Variants in PPHLN1 observed in about 807,000 individuals in gnomAD.
PPHLN1 encodes periphilin-1.
PPHLN1 carries 29 observed loss-of-function variants against 51.3 expected under a neutral mutation model. The observed-to-expected ratio is 0.57, with a 90% confidence interval of 0.42 to 0.77. PPHLN1 has a LOEUF of 0.77. Ranked by LOEUF, PPHLN1 falls within the 30% of genes least tolerant of loss-of-function variation. PPHLN1 has a pLI of 0.00. For missense variants in PPHLN1, 436 were observed against 438.4 expected (o/e 0.99, Z 0.05); for synonymous variants, 147 against 147.8 (o/e 0.99, Z 0.04).
intron 2 of PPHLN1, among the ~76,000 whole-genome samples, chr12:42,337,777 T>TTTTATTTTATTTTATTTTATTTTA (rs759818493): frequency 0.023 from 3,222 of 140,186 alleles, 79 homozygotes; most frequent in Admixed American, 0.076. Flanking sequence ...TTTTATTTTA[T>TTTTATTTTATTTTATTTTATTTTA]TTTATTTATT....
At chr12:42,410,736 A>G (rs765180171) in intron 9 of PPHLN1, among the ~76,000 whole-genome samples, 2 of 152,224 alleles carry the variant, frequency 1.3e-5, no homozygotes, top group African/African-American at 4.8e-5. Context: ...GGATGCAAAA[A>G]CACAGCCAGC....
chr12:42,369,693 T>C (rs1338463099), intron 4 of PPHLN1, among the ~76,000 whole-genome samples: 1 of 152,218 alleles, frequency 6.6e-6, no homozygotes, highest in East Asian at 1.9e-4. Context: ...TGTTAAGGAA[T>C]GCAATGAGAT....
At chr12:42,429,413 A>G (rs1475782163) in intron 9 of PPHLN1, among the ~76,000 whole-genome samples, 2 of 152,178 alleles carry the variant, frequency 1.3e-5, no homozygotes, top group Admixed American at 1.3e-4. Flanking sequence ...ATTGCAGTCT[A>G]CTATCTTTCC....
intron 4 of PPHLN1, among the ~76,000 whole-genome samples, chr12:42,368,073 C>T (rs573483193): frequency 6.6e-6 from 1 of 152,176 alleles, no homozygotes; most frequent in Non-Finnish European, 1.5e-5. Flanking sequence ...TTAAGACTGG[C>T]ATTGATGTTG....
intron 9 of PPHLN1, chr12:42,432,397 A>G: frequency 1.3e-6 from 1 of 753,920 alleles, no homozygotes; most frequent in East Asian, 2.5e-5. Context: ...GAACTTGCAC[A>G]TTTCCAATGG....
At chr12:42,330,952 G>A (rs372786765) in intron 1 of PPHLN1, among the ~76,000 whole-genome samples, 1 of 152,104 alleles carries the variant, frequency 6.6e-6, no homozygotes, top group Non-Finnish European at 1.5e-5. Context: ...CTTGTGATCC[G>A]CGCGCCTCGG....
In PPHLN1 at chr12:42,419,422, C is replaced by T. The variant is rs139553345; in HGVS notation, c.909+20428C>T. 3.2e-3 allele frequency among the ~76,000 whole-genome samples: 488 copies of T among 151,488 alleles called. 1 individual carries two copies. Among genetic ancestry groups the T allele is most frequent in the African/African-American group, 0.011 (454 of 41,276 alleles). ...ACACCTTTTATATTTTTAATAGAGA[C>T]GGGGTTTCACCATGTTGGCTAAGCT... On this transcript the variant is annotated intron_variant, in intron 9 of 9. Coordinates refer to ENST00000358314, the MANE Select transcript of PPHLN1 (RefSeq NM_201439.2).
At chr12:42,433,391 C>A in intron 9 of PPHLN1, 1 of 380,592 alleles carries the variant, frequency 2.6e-6, no homozygotes. Flanking sequence ...GGTGCGTTCT[C>A]TGCTCACTGC....
intron 1 of PPHLN1, chr12:42,332,812 T>C (rs962618959): frequency 1.8e-6 from 1 of 562,554 alleles, no homozygotes; most frequent in Non-Finnish European, 2.9e-6. Context: ...TCTTTAGAAC[T>C]CTTATTGTTT....
At chr12:42,424,468 T>G (rs1295285821) in intron 9 of PPHLN1, among the ~76,000 whole-genome samples, 4 of 152,188 alleles carry the variant, frequency 2.6e-5, no homozygotes. Context: ...ATCAAACCAG[T>G]TTTTTATAAG....
downstream of PPHLN1, chr12:42,445,851 C>T: frequency 1.6e-6 from 2 of 1,272,484 alleles, no homozygotes; most frequent in Non-Finnish European, 2.1e-6. Flanking sequence ...AAGCACTTTG[C>T]TAAAACCTCT....
At chr12:42,432,126 C>A in intron 9 of PPHLN1, 1 of 1,287,034 alleles carries the variant, frequency 7.8e-7, no homozygotes, top group Admixed American at 1.7e-5. Context: ...GCATCTCCTG[C>A]TGTCACGCTG....
At chr12:42,410,056 G>A (rs1159577382) in intron 9 of PPHLN1, among the ~76,000 whole-genome samples, 1 of 152,004 alleles carries the variant, frequency 6.6e-6, no homozygotes, top group Non-Finnish European at 1.5e-5. Flanking sequence ...GGTTTAAATA[G>A]TACTCATTGT....
At chr12:42,441,117 G>C (rs1682433915) in intron 9 of PPHLN1, among the ~76,000 whole-genome samples, 198 bp from the exon 10 acceptor site, 1 of 152,114 alleles carries the variant, frequency 6.6e-6, no homozygotes, top group African/African-American at 2.4e-5. Flanking sequence ...TTCTCATTCA[G>C]GTATTGTCAG....
intron 9 of PPHLN1, among the ~76,000 whole-genome samples, chr12:42,407,243 A>G (rs2079392237): frequency 6.6e-6 from 1 of 152,188 alleles, no homozygotes; most frequent in South Asian, 2.1e-4. Context: ...GCCTGTTGAG[A>G]TCCTGGCTCA....
At chr12:42,404,939 A>G (rs1429085956) in intron 9 of PPHLN1, among the ~76,000 whole-genome samples, 2 of 152,186 alleles carry the variant, frequency 1.3e-5, no homozygotes, top group South Asian at 2.1e-4. Flanking sequence ...AGGCAGGAGA[A>G]TCGCTTGAAC....
At chr12:42,438,107 G>T (rs552628051) in intron 9 of PPHLN1, among the ~76,000 whole-genome samples, 1 of 152,278 alleles carries the variant, frequency 6.6e-6, no homozygotes, top group East Asian at 1.9e-4. Context: ...ATTTTTGGCA[G>T]TTATAATAAT....
intron 9 of PPHLN1, among the ~76,000 whole-genome samples, chr12:42,421,145 G>A (rs901267313): frequency 6.6e-6 from 1 of 152,114 alleles, no homozygotes; most frequent in Non-Finnish European, 1.5e-5. Flanking sequence ...ATAAATCAGA[G>A]ATAATTAAAA....
At chr12:42,375,172 A>G in intron 5 of PPHLN1, 98 bp downstream of exon 5, 1 of 1,019,694 alleles carries the variant, frequency 9.8e-7, no homozygotes, top group Non-Finnish European at 1.4e-6. Flanking sequence ...TTTATTTTTT[A>G]AACTTTTTAT....
Sources: gnomAD v4.1 joint callset for allele counts (sites outside exome capture counted in the v4.1 genomes callset) on GRCh38, gnomAD v4.1.1 for gene constraint, MANE v1.5 for transcripts, NCBI Gene and HGNC (gene_info 2026-07-23, HGNC 2026-07-21) for gene names.